ECHDC1: variants seen among roughly 807,000 people sequenced by gnomAD.
ECHDC1 encodes the protein ethylmalonyl-CoA decarboxylase 1, also known as ethylmalonyl-CoA decarboxylase.
In ECHDC1, 29 loss-of-function variants were observed where a neutral mutation model predicts 29.7. The ratio of observed to expected loss-of-function variants is 0.98; its 90% CI spans 0.73 to 1.33. ECHDC1 has a LOEUF of 1.33. Ranked by LOEUF, ECHDC1 falls within the 40% of genes most tolerant of loss-of-function variation. The pLI is 0.00. For synonymous variants in ECHDC1, 126 were observed against 123.1 expected (o/e 1.02, Z -0.15); for missense variants, 328 against 350.0 (o/e 0.94, Z 0.50).
At chr6:127,340,154 A>G (rs1363464665) in intron 1 of ECHDC1, among the ~76,000 whole-genome samples, 2 of 152,266 alleles carry the variant, frequency 1.3e-5, no homozygotes, top group Admixed American at 6.5e-5. Context: ...TACATATCGT[A>G]TAAGGGTCTA....
chr6:127,330,077 A>T (rs962110193), intron 2 of ECHDC1, among the ~76,000 whole-genome samples: 5 of 152,232 alleles, frequency 3.3e-5, no homozygotes, highest in Non-Finnish European at 7.3e-5. Context: ...ATAACTGAAA[A>T]GGAGAGATTA....
rs1562318680 is a variant in ECHDC1 at position 127,314,945 on chromosome 6, C to A, written c.417-49G>T. ...TGTTACTATTTTTAATTTCAATATT[C>A]ATTTACAAATGTTATTTTTTAAAAA... On this transcript the variant is annotated intron_variant, in intron 4 of 5. Coordinates refer to ENST00000454859, the MANE Select transcript of ECHDC1 (RefSeq NM_001002030.2). The A allele has an allele frequency of 3.3e-6, 5 of 1,522,128 alleles. No individual in the cohort carries two copies. The East Asian group carries it at 6.9e-5, about 21-fold the overall frequency. The allele number at this position is 1,522,128 out of a possible 1,614,324, so 94.3% of individuals were successfully genotyped here.
chr6:127,299,789 CAG>C (rs745618060), intron 5 of ECHDC1, among the ~76,000 whole-genome samples: 4 of 152,146 alleles, frequency 2.6e-5, no homozygotes, highest in Non-Finnish European at 5.9e-5. Flanking sequence ...CTCACTTACC[CAG>C]AGAGACTTTC....
intron 5 of ECHDC1, among the ~76,000 whole-genome samples, chr6:127,299,777 C>T (rs1359628277): frequency 6.6e-6 from 1 of 152,162 alleles, no homozygotes; most frequent in Non-Finnish European, 1.5e-5. Context: ...GCCACTCACT[C>T]ACTCACTTAC....
At chr6:127,327,264 G>A in intron 2 of ECHDC1, 120 bp from the exon 3 acceptor site, 1 of 1,152,638 alleles carries the variant, frequency 8.7e-7, no homozygotes, top group South Asian at 1.7e-5. Flanking sequence ...AATATTTACT[G>A]AGTGTCTATC....
At chr6:127,322,009 A>C (rs1038076137) in intron 3 of ECHDC1, among the ~76,000 whole-genome samples, 5 of 151,890 alleles carry the variant, frequency 3.3e-5, no homozygotes, top group Admixed American at 2.0e-4. Flanking sequence ...TCTCAAAATA[A>C]ACAAACAAAA....
At chr6:127,324,664 G>T (rs1285723400) in intron 3 of ECHDC1, among the ~76,000 whole-genome samples, 1 of 152,144 alleles carries the variant, frequency 6.6e-6, no homozygotes, top group Non-Finnish European at 1.5e-5. Flanking sequence ...GATTAACTTG[G>T]AGTATCTAAT....
chr6:127,337,480 C>A (rs1197631815), intron 1 of ECHDC1, among the ~76,000 whole-genome samples: 3 of 152,136 alleles, frequency 2.0e-5, no homozygotes, highest in Non-Finnish European at 4.4e-5. Context: ...TTACCTATAC[C>A]CTGGAAGCAC....
At chr6:127,308,037 G>C (rs931492581) in intron 5 of ECHDC1, among the ~76,000 whole-genome samples, 8 of 152,088 alleles carry the variant, frequency 5.3e-5, no homozygotes, top group African/African-American at 1.9e-4. Flanking sequence ...GGATGCAATG[G>C]CTTCATTGCT....
intron 2 of ECHDC1, chr6:127,329,877 T>C (rs1783760436): frequency 2.2e-6 from 1 of 455,418 alleles, no homozygotes; most frequent in African/African-American, 2.0e-5. Context: ...GAAATCTCTC[T>C]GAATTCTGGT....
chr6:127,314,741 T>C (rs1482558674), intron 5 of ECHDC1, 75 bp downstream of exon 5: 5 of 1,122,550 alleles, frequency 4.5e-6, no homozygotes, highest in Non-Finnish European at 6.5e-6. Context: ...ATATAAAATA[T>C]TGATATTAAG....
intron 5 of ECHDC1, among the ~76,000 whole-genome samples, chr6:127,303,463 C>G (rs527828032): frequency 2.6e-5 from 4 of 152,260 alleles, no homozygotes; most frequent in Admixed American, 1.3e-4. Context: ...GAAGACCAAA[C>G]CAGCCACAGC....
At chr6:127,297,337 A>G (rs1469409832) in intron 5 of ECHDC1, among the ~76,000 whole-genome samples, 2 of 152,234 alleles carry the variant, frequency 1.3e-5, no homozygotes, top group Non-Finnish European at 2.9e-5. Context: ...CATATTCAAG[A>G]CATAAAATAA....
At chr6:127,336,672 T>TA (rs1784450964) in intron 1 of ECHDC1, among the ~76,000 whole-genome samples, 1 of 152,322 alleles carries the variant, frequency 6.6e-6, no homozygotes, top group African/African-American at 2.4e-5. Flanking sequence ...CACAGAACTG[T>TA]ATTTTTAAAT....
intron 1 of ECHDC1, among the ~76,000 whole-genome samples, chr6:127,335,665 C>T (rs550311896): frequency 1.7e-4 from 26 of 151,876 alleles, no homozygotes; most frequent in African/African-American, 5.8e-4. Flanking sequence ...CTATGGTTAC[C>T]GAATAAAGAA....
chr6:127,307,759 G>GAA (rs35725675), intron 5 of ECHDC1, among the ~76,000 whole-genome samples: 98,356 of 136,968 alleles, frequency 0.72, 35,016 homozygotes, highest in East Asian at 0.76. Flanking sequence ...GACTAACAAA[G>GAA]AAAAAAAAAA....
In ECHDC1 at chr6:127,290,400, CAAT is replaced by C. The variant is rs1318754926; in HGVS notation, c.498-126_498-124del. The C allele has an allele frequency of 7.0e-6, 7 of 1,005,302 alleles. No homozygotes were observed. The Admixed American group carries it at 2.1e-4, about 30-fold the overall frequency. The allele number at this position is 1,005,302 out of a possible 1,614,324, so 62.3% of individuals were successfully genotyped here. On this transcript the variant is annotated intron_variant, in intron 5 of 5. Coordinates refer to ENST00000454859, the MANE Select transcript of ECHDC1 (RefSeq NM_001002030.2). ...TCTTTATAGGTAGGTATATTAAAAA[CAAT>C]GTTTGAAAAATATGGCTGTTTCATC...
chr6:127,340,646 G>GATAC (rs35317786), intron 1 of ECHDC1, among the ~76,000 whole-genome samples: 7,590 of 152,214 alleles, frequency 0.05, 250 homozygotes, highest in Non-Finnish European at 0.079. Context: ...CAATGAAGCA[G>GATAC]ATACATGTGG....
chr6:127,334,742 A>G (rs891282375), intron 1 of ECHDC1, among the ~76,000 whole-genome samples: 3 of 152,056 alleles, frequency 2.0e-5, no homozygotes, highest in Non-Finnish European at 4.4e-5. Context: ...AACCTGGTAA[A>G]TCCCCAATCA....
Sources: allele counts gnomAD v4.1 joint callset (sites outside exome capture counted in the v4.1 genomes callset), GRCh38; gene constraint gnomAD v4.1.1; transcripts MANE v1.5; gene names NCBI Gene and HGNC (gene_info 2026-07-23, HGNC 2026-07-21).